FKBP5: variants seen among roughly 807,000 people sequenced by gnomAD.
FKBP5 encodes the protein peptidyl-prolyl cis-trans isomerase FKBP5.
A neutral mutation model predicts 50.5 loss-of-function variants in FKBP5; 23 were observed. The observed-to-expected ratio is 0.46, with a 90% CI of 0.33 to 0.65. FKBP5 has a LOEUF of 0.65. Among genes scored for constraint, FKBP5 ranks in the 30% least tolerant of loss-of-function variants. The pLI, the probability that FKBP5 is intolerant of heterozygous loss-of-function variation, is 0.02. For missense variants in FKBP5, 411 were observed against 553.1 expected (o/e 0.74, Z 2.58); for synonymous variants, 176 against 190.6 (o/e 0.92, Z 0.63).
chr6:35,667,019 CTGTGTGTGTGTG>C (rs35407744), intron 1 of FKBP5, among the ~76,000 whole-genome samples: 2,198 of 148,572 alleles, frequency 0.015, 33 homozygotes, highest in African/African-American at 0.03. Context: ...GTGTGTGTGT[CTGTGTGTGTGTG>C]TGTGTGTGTG....
chr6:35,619,785 G>A (rs540059322), intron 4 of FKBP5, among the ~76,000 whole-genome samples: 9 of 152,160 alleles, frequency 5.9e-5, no homozygotes, highest in Non-Finnish European at 1.2e-4. Context: ...ACCCCGCAAC[G>A]TGACATAGGC....
chr6:35,655,874 CATTAT>C (rs1764931051), intron 1 of FKBP5, among the ~76,000 whole-genome samples: 1 of 152,126 alleles, frequency 6.6e-6, no homozygotes, highest in South Asian at 2.1e-4. Flanking sequence ...CTCTGAAGTA[CATTAT>C]AAGAGTGTCT....
chr6:35,717,794 G>A (rs949462926), intron 2 of FKBP5, among the ~76,000 whole-genome samples: 3 of 152,182 alleles, frequency 2.0e-5, no homozygotes, highest in African/African-American at 7.2e-5. Context: ...ATCCTTCCTG[G>A]GGTCACCTCC....
chr6:35,668,945 T>A (rs961646845), intron 1 of FKBP5, among the ~76,000 whole-genome samples: 1 of 152,140 alleles, frequency 6.6e-6, no homozygotes, highest in Non-Finnish European at 1.5e-5. Flanking sequence ...TTTTTTTTTA[T>A]AACTTCAAAA....
At chr6:35,643,824 T>C (rs1764558472) in intron 1 of FKBP5, among the ~76,000 whole-genome samples, 1 of 152,222 alleles carries the variant, frequency 6.6e-6, no homozygotes, top group Non-Finnish European at 1.5e-5. Flanking sequence ...AAGAGATTCA[T>C]AAGACTATGC....
chr6:35,689,925 A>G (rs961712063), upstream of FKBP5, among the ~76,000 whole-genome samples: 19 of 152,214 alleles, frequency 1.2e-4, no homozygotes, highest in African/African-American at 4.6e-4. Context: ...AGTTACTCCC[A>G]TAGAGATGCA....
chr6:35,640,266 C>A (rs909560886), intron 2 of FKBP5, among the ~76,000 whole-genome samples: 1 of 152,214 alleles, frequency 6.6e-6, no homozygotes, highest in East Asian at 1.9e-4. Context: ...TGGCCTACTG[C>A]TCCAAGGCTA....
chr6:35,621,226 T>C (rs941552835), intron 3 of FKBP5, among the ~76,000 whole-genome samples: 9 of 152,246 alleles, frequency 5.9e-5, no homozygotes, highest in African/African-American at 2.2e-4. Flanking sequence ...TATATAATTG[T>C]AATCTCAATG....
intron 4 of FKBP5, 148 bp downstream of exon 4, chr6:35,619,984 A>G: frequency 1.0e-6 from 1 of 980,750 alleles, no homozygotes; most frequent in East Asian, 2.5e-5. Flanking sequence ...GGTTTGTGGG[A>G]AACAATTCAA....
intron 5 of FKBP5, among the ~76,000 whole-genome samples, chr6:35,606,120 T>C (rs1763306050): frequency 1.3e-5 from 2 of 152,162 alleles, no homozygotes; most frequent in African/African-American, 4.8e-5. Context: ...ACGAAGCAGA[T>C]GGACAAACTA....
Position 35,577,070 on chromosome 6 carries a change from T to A in FKBP5, c.1190A>T (p.Lys397Met). The change falls in exon 10 of 11, where the codon AAG (lysine) becomes ATG (methionine). Residue 397 changes from lysine to methionine, a missense_variant. By Grantham distance (95) the Lys-to-Met change is moderately conservative. Transcript: ENST00000357266. ...ARLQISMCQK[K>M]AKEHNERDRR... Reference sequence around the variant, plus strand: ...GTCCCGCTCGTTGTGCTCCTTGGCCTTTTTCTGGCACATGGAGATCTGCAG... The same window carrying A: ...GTCCCGCTCGTTGTGCTCCTTGGCCATTTTCTGGCACATGGAGATCTGCAG... 3 of 1,614,070 alleles carry A rather than the reference T, an allele frequency of 1.9e-6. No homozygotes were observed. The highest frequency in any genetic ancestry group is 1.7e-6 in the Non-Finnish European group (2 of 1,179,920).
intron 3 of FKBP5, among the ~76,000 whole-genome samples, chr6:35,623,615 A>T (rs1046550211): frequency 6.6e-6 from 1 of 150,794 alleles, no homozygotes; most frequent in Non-Finnish European, 1.5e-5. Context: ...TGTCACACAG[A>T]CTGGAGTGCA....
intron 5 of FKBP5, among the ~76,000 whole-genome samples, chr6:35,600,637 TA>T (rs1460411214): frequency 6.6e-6 from 1 of 152,196 alleles, no homozygotes; most frequent in African/African-American, 2.4e-5. Flanking sequence ...GCTCACAACT[TA>T]GTTAACAGAT....
chr6:35,582,502 G>GAGTGGA, intron 8 of FKBP5: 1 of 394,210 alleles, frequency 2.5e-6, no homozygotes, highest in Non-Finnish European at 3.5e-6. Context: ...ACATGCATGT[G>GAGTGGA]GAAAGGCCAT....
rs138431072 is a variant in FKBP5 at position 35,615,893 on chromosome 6, AC to A, written c.508+3202del. 1.8e-3 allele frequency among the ~76,000 whole-genome samples: 269 copies of A among 152,348 alleles called. 2 individuals are homozygous for A. The highest frequency in any genetic ancestry group is 6.3e-3 in the African/African-American group (262 of 41,574). On this transcript the variant is annotated intron_variant, in intron 5 of 10. Coordinates refer to ENST00000357266, the MANE Select transcript of FKBP5 (RefSeq NM_004117.4). ...CAGTAATGAGACATCAATATCATATACCTCTTGATAATGATGAAAGGCACAT... is the reference window on the plus strand; with the variant it reads ...CAGTAATGAGACATCAATATCATATACTCTTGATAATGATGAAAGGCACAT...
At chr6:35,724,184 A>C (rs1766661087) in intron 1 of FKBP5, among the ~76,000 whole-genome samples, 1 of 152,104 alleles carries the variant, frequency 6.6e-6, no homozygotes, top group African/African-American at 2.4e-5. Flanking sequence ...CTGCAGATAG[A>C]CCTGACTTCA....
upstream of FKBP5, among the ~76,000 whole-genome samples, chr6:35,692,738 C>A (rs1766011896): frequency 6.7e-6 from 1 of 148,880 alleles, no homozygotes; most frequent in African/African-American, 2.5e-5. Flanking sequence ...TTGCAGTGAG[C>A]CAAGATTGCA....
At chr6:35,728,034 G>A (rs1450519807) in intron 1 of FKBP5, among the ~76,000 whole-genome samples, 1 of 152,192 alleles carries the variant, frequency 6.6e-6, no homozygotes, top group Non-Finnish European at 1.5e-5. Context: ...GAGGCTGCGC[G>A]CCGAGCGCAA....
Position 35,580,223 on chromosome 6 carries a change from T to C in FKBP5, c.841-2A>G, listed in dbSNP as rs1762381072. 10 of 1,607,750 alleles carry C rather than the reference T, an allele frequency of 6.2e-6. No individual in the cohort carries two copies. Among genetic ancestry groups the C allele is most frequent in the Non-Finnish European group, 8.5e-6 (10 of 1,176,144 alleles). ...CACCGCCTGCATGTATTTGCCTCCC[T>C]AGGATAAAAAAGCGTCATTACTTGT... On this transcript the variant is annotated splice_acceptor_variant, in intron 8 of 10. Transcript: ENST00000357266. LOFTEE classifies it high-confidence loss of function.
Sources: gnomAD v4.1 joint callset for allele counts (sites outside exome capture counted in the v4.1 genomes callset) on GRCh38, gnomAD v4.1.1 for gene constraint, MANE v1.5 for transcripts, NCBI Gene and HGNC (gene_info 2026-07-23, HGNC 2026-07-21) for gene names.